The following BTBD6 variants were observed in gnomAD, a reference collection of about 807,000 sequenced individuals.
BTBD6 encodes BTB domain containing 6, also known as BTB/POZ domain-containing protein 6.
Under a neutral mutation model 40.6 loss-of-function variants are expected in BTBD6, and 30 were observed. The observed-to-expected ratio is 0.74, with a 90% confidence interval of 0.55 to 1.00. The LOEUF (loss-of-function observed/expected upper bound fraction) is 1.00. BTBD6 is among the 50% of genes least tolerant of loss of function. BTBD6 has a pLI of 0.00. For missense variants in BTBD6, 698 were observed against 694.6 expected (o/e 1.00, Z -0.06); for synonymous variants, 378 against 308.7 (o/e 1.22, Z -2.35).
At chr14:105,249,592 G>C in intron 3 of BTBD6, 48 bp from the exon 4 acceptor site, 2 of 1,587,136 alleles carry the variant, frequency 1.3e-6, no homozygotes, top group Non-Finnish European at 1.7e-6. Context: ...CCAGCCCCGC[G>C]ATGGGTGCTT....
In BTBD6 at chr14:105,250,414, G is replaced by A; in HGVS notation, c.1359G>A (p.Gln453=). The part of the protein sequence containing the change: ...ELKRLGVVLA[Q]NLTKFMSDGS... ...AGCGGCTCGGGGTGGTTCTGGCTCA[G>A]AACTTGACCAAGTTCATGTCAGACG... is the stretch of plus-strand genomic sequence containing the variant. Residue 453 remains glutamine (Q), a synonymous_variant, in exon 4 of 4, where the codon CAG becomes CAA. Coordinates refer to ENST00000392554, the MANE Select transcript of BTBD6 (RefSeq NM_001387567.1). 1.2e-6 allele frequency: 2 copies of A among 1,613,926 alleles called. No individual in the cohort carries two copies. Among genetic ancestry groups the A allele is most frequent in the Non-Finnish European group, 1.7e-6 (2 of 1,180,040 alleles).
chr14:105,249,639 G>A lies in BTBD6; in HGVS notation c.585-1G>A, dbSNP rs2140289324. 1 of 1,604,580 alleles carries A rather than the reference G, an allele frequency of 6.2e-7. No homozygotes were observed. The highest frequency in any genetic ancestry group is 8.5e-7 in the Non-Finnish European group (1 of 1,173,884). ...CCTGACGCGGGCCCTGCCTCGCCTA[G>A]GTACATGTACAGTGATGAGATCGAT... On this transcript the variant is annotated splice_acceptor_variant, in intron 3 of 3. Coordinates refer to ENST00000392554, the MANE Select transcript of BTBD6 (RefSeq NM_001387567.1). LOFTEE classifies it high-confidence loss of function.
rs1232215038 is a variant in BTBD6 at position 105,249,379 on chromosome 14, G to C, written c.485G>C (p.Ser162Thr). 6.2e-7 allele frequency: 1 copy of C among 1,611,830 alleles called. No homozygotes were observed. The highest frequency in any genetic ancestry group is 1.3e-5 in the African/African-American group (1 of 74,924). The change falls in exon 3 of 4, where the codon AGC (serine) becomes ACC (threonine). Residue 162 changes from serine (S) to threonine (T), a missense_variant. Transcript: ENST00000392554. ...PAHKYVLAVG[S>T]SVFYAMFYGD... ...TCCCAGTACGTCTTGGCTGTCGGCA[G>C]CTCCGTCTTCTATGCCATGTTCTAC...
In BTBD6 at chr14:105,248,820, G is replaced by C; in HGVS notation, c.109G>C (p.Gly37Arg). 1 of 986,630 alleles carries C rather than the reference G, an allele frequency of 1.0e-6. No homozygotes were observed. Among genetic ancestry groups the C allele is most frequent in the South Asian group, 4.7e-5 (1 of 21,450 alleles). 61.1% of individuals were successfully genotyped at this position (986,630 alleles called of 1,614,324 possible). A position where few individuals can be genotyped will look rare whatever the true frequency, so the allele number is the denominator to read the frequency against. ...GCCCCGGCGCGGCGCGAGGGCGCGGGGCGCGGCGTCCACAGGCGCCGAGGC... is the reference window on the plus strand; with the variant it reads ...GCCCCGGCGCGGCGCGAGGGCGCGGCGCGCGGCGTCCACAGGCGCCGAGGC... ...PRPRRGARAR[G>R]AASTGAEAAP... The change falls in exon 1 of 4, where the codon GGC (glycine) becomes CGC (arginine). Residue 37 changes from glycine to arginine, a missense_variant. Physicochemically the swap from Gly to Arg is moderately radical, Grantham distance 125. Coordinates refer to ENST00000392554, the MANE Select transcript of BTBD6 (RefSeq NM_001387567.1).
chr14:105,249,513 C>T, intron 3 of BTBD6, 35 bp downstream of exon 3: 1 of 1,609,242 alleles, frequency 6.2e-7, no homozygotes, highest in Non-Finnish European at 8.5e-7. Context: ...ACGGGTGGGT[C>T]CGTTTTAGGC....
At position 105,249,260 on chromosome 14, in the gene BTBD6, G is replaced by A; in HGVS notation, c.465+13G>A. 1.9e-6 allele frequency: 3 copies of A among 1,563,928 alleles called. No homozygotes were observed. The highest frequency in any genetic ancestry group is 1.1e-5 in the South Asian group (1 of 87,032). On this transcript the variant is annotated intron_variant, in intron 2 of 3. Coordinates refer to ENST00000392554, the MANE Select transcript of BTBD6 (RefSeq NM_001387567.1). Reference sequence around the variant, plus strand: ...GCCCGCCCACAAGGTGGGTAGCGGCGGCCCCTCTCGGAACGCGTGCCCCGT... The same window carrying A: ...GCCCGCCCACAAGGTGGGTAGCGGCAGCCCCTCTCGGAACGCGTGCCCCGT...
intron 1 of BTBD6, 29 bp downstream of exon 1, chr14:105,249,114 CCGCGCG>C (rs926656993): frequency 2.0e-6 from 3 of 1,504,152 alleles, no homozygotes; most frequent in South Asian, 1.2e-5. Flanking sequence ...GCCCCCGCGC[CCGCGCG>C]CGCCCACGCC....
In BTBD6 at chr14:105,250,894, AGATT is replaced by A; in HGVS notation, c.*223_*226del. On this transcript the variant is annotated 3_prime_UTR_variant, in exon 4 of 4. Transcript: ENST00000392554. The stretch of plus-strand genomic sequence containing the variant: ...TGGGGTGCACGTCTCAGGTGGAGGA[AGATT>A]TACGGCTCAAGACAGGCCCCAGATC... The A allele has an allele frequency of 1.7e-6, 1 of 578,704 alleles. No individual in the cohort carries two copies. Among genetic ancestry groups the A allele is most frequent in the South Asian group, 2.2e-5 (1 of 44,472 alleles). The allele number at this position is 578,704 out of a possible 1,614,324, so 35.8% of individuals were successfully genotyped here.
In BTBD6 at chr14:105,249,878, G is replaced by A. The variant is rs2055484290; in HGVS notation, c.823G>A (p.Glu275Lys). ...ACAGGCCGAGATGGCCCTACGGTCC[G>A]AAGGCTTCTGTGAGATAGACCGGCA... Reference protein sequence around the residue: ...DAQAEMALRSEGFCEIDRQTL... With the variant: ...DAQAEMALRSKGFCEIDRQTL... The change falls in exon 4 of 4, where the codon GAA (glutamate) becomes AAA (lysine). Residue 275 changes from glutamate (E) to lysine (K), a missense_variant. By Grantham distance (56) the Glu-to-Lys change is moderately conservative (BLOSUM62 1). Coordinates refer to ENST00000392554, the MANE Select transcript of BTBD6 (RefSeq NM_001387567.1). The A allele has an allele frequency of 3.7e-6, 6 of 1,611,808 alleles. No homozygotes were observed. The highest frequency in any genetic ancestry group is 2.2e-5 in the East Asian group (1 of 44,902).
chr14:105,248,918 A>T lies in BTBD6; in HGVS notation c.207A>T (p.Leu69=). ...CCGCCAGCGCCGCGGCCGCGGACCT[A>T]GCCAACAGCAACGCCGGCGCCGCCG... ...YAPASAAAAD[L]ANSNAGAAVG... Residue 69 remains leucine (L), a synonymous_variant, in exon 1 of 4, where the codon CTA becomes CTT. Coordinates refer to ENST00000392554, the MANE Select transcript of BTBD6 (RefSeq NM_001387567.1). 1 of 982,134 alleles carries T rather than the reference A, an allele frequency of 1.0e-6. No individual in the cohort carries two copies. The highest frequency in any genetic ancestry group is 1.2e-6 in the Non-Finnish European group (1 of 830,920). 60.8% of individuals were successfully genotyped at this position (982,134 alleles called of 1,614,324 possible). A position where few individuals can be genotyped will look rare whatever the true frequency, so the allele number is the denominator to read the frequency against.
rs912034649 is a variant in BTBD6 at position 105,248,771 on chromosome 14, T to G, written c.60T>G (p.Leu20=). The G allele has an allele frequency of 2.1e-5, 21 of 980,418 alleles. No homozygotes were observed. In the African/African-American group the frequency reaches 3.6e-4, roughly 17 times the overall value. The allele number at this position is 980,418 out of a possible 1,614,324, so 60.7% of individuals were successfully genotyped here. A position where few individuals can be genotyped will look rare whatever the true frequency, so the allele number is the denominator to read the frequency against. The change falls in exon 1 of 4, where the codon CTT becomes CTG. Residue 20 remains leucine, a synonymous_variant. Transcript: ENST00000392554. ...TCGCTCAGTGCCTGACCTCCTTGCT[T>G]TTGCTTGCAGAGCCGCTCCCGAGGC... The part of the protein sequence containing the change: ...GRVAQCLTSL[L]LLAEPLPRPR...
rs772727444 is a variant in BTBD6, at chr14:105,249,135, G to C, written c.375-22G>C. On this transcript the variant is annotated intron_variant, in intron 1 of 3. Transcript: ENST00000392554. ...GCGCCCGCGCGCGCCCACGCCCCCA[G>C]CCCGTGCCTCTACCTTTGCAGGAAC... 1.1e-5 allele frequency: 17 copies of C among 1,551,462 alleles called. No individual in the cohort carries two copies. The Admixed American group carries it at 3.0e-4, about 27-fold the overall frequency.
Position 105,251,057 on chromosome 14 carries a change from T to C in BTBD6, c.*385T>C, listed in dbSNP as rs999419230. ...AAAATTGGCAAAAAGTCACTTAAAA[T>C]AGTGGACTTCTGTAATAAAGGTTGC... On this transcript the variant is annotated 3_prime_UTR_variant, in exon 4 of 4. Coordinates refer to ENST00000392554, the MANE Select transcript of BTBD6 (RefSeq NM_001387567.1). 4.4e-6 allele frequency: 1 copy of C among 227,404 alleles called. No homozygotes were observed. The highest frequency in any genetic ancestry group is 2.3e-5 in the African/African-American group (1 of 43,788). The allele number at this position is 227,404 out of a possible 1,614,324, so 14.1% of individuals were successfully genotyped here.
rs1295703179 is a variant in BTBD6 at position 105,248,562 on chromosome 14, T to C, written c.-150T>C. The C allele has an allele frequency of 2.7e-5, 8 of 301,552 alleles. No homozygotes were observed. Among genetic ancestry groups the C allele is most frequent in the African/African-American group, 4.7e-5 (1 of 21,108 alleles). The allele number at this position is 301,552 out of a possible 1,614,324, so 18.7% of individuals were successfully genotyped here. A position where few individuals can be genotyped will look rare whatever the true frequency, so the allele number is the denominator to read the frequency against. Reference sequence around the variant, plus strand: ...CGTGACGCACCGGCGCCGCGGCGGGTACGGGCTCGGGCGGGCGGGCGGGCG... The same window carrying C: ...CGTGACGCACCGGCGCCGCGGCGGGCACGGGCTCGGGCGGGCGGGCGGGCG... On this transcript the variant is annotated 5_prime_UTR_variant, in exon 1 of 4. Coordinates refer to ENST00000392554, the MANE Select transcript of BTBD6 (RefSeq NM_001387567.1).
rs1486202183 is a variant in BTBD6 at position 105,250,760 on chromosome 14, C to T, written c.*88C>T. 7.4e-7 allele frequency: 1 copy of T among 1,353,908 alleles called. No homozygotes were observed. The highest frequency in any genetic ancestry group is 1.5e-5 in the African/African-American group (1 of 68,440). The allele number at this position is 1,353,908 out of a possible 1,614,324, so 83.9% of individuals were successfully genotyped here. On this transcript the variant is annotated 3_prime_UTR_variant, in exon 4 of 4. Transcript: ENST00000392554. ...CTTCTTGACACCATGAAAGGCTGCT[C>T]TTAACTTTGTCTCTCTTTGACATGT...
Position 105,250,081 on chromosome 14 carries a change from C to T in BTBD6, c.1026C>T (p.Thr342=), listed in dbSNP as rs768981856. The stretch of plus-strand genomic sequence containing the variant: ...ATCTGGTCCGAATTCCAACCATGAC[C>T]CTAGAGGAGTTTGCCAACGGCGCTG... ...ALYLVRIPTM[T]LEEFANGAAQ... is the part of the protein sequence containing the mutation. Residue 342 remains threonine (T), a synonymous_variant, in exon 4 of 4, where the codon ACC becomes ACT. Coordinates refer to ENST00000392554, the MANE Select transcript of BTBD6 (RefSeq NM_001387567.1). 16 of 1,612,876 alleles carry T rather than the reference C, an allele frequency of 9.9e-6. No individual in the cohort carries two copies. Among genetic ancestry groups the T allele is most frequent in the South Asian group, 4.4e-5 (4 of 91,094 alleles).
At position 105,250,693 on chromosome 14, in the gene BTBD6, C is replaced by T. The variant is rs774265589; in HGVS notation, c.*21C>T. ...CCTGAGGTGCCCGGGGAGGCTGCAG[C>T]AGGTCAGCGAGTGAGTGGAGGGGAA... On this transcript the variant is annotated 3_prime_UTR_variant, in exon 4 of 4. Coordinates refer to ENST00000392554, the MANE Select transcript of BTBD6 (RefSeq NM_001387567.1). 6.3e-7 allele frequency: 1 copy of T among 1,592,330 alleles called. No individual in the cohort carries two copies. The highest frequency in any genetic ancestry group is 1.1e-5 in the South Asian group (1 of 89,074).
In BTBD6 at chr14:105,250,960, G is replaced by A. The variant is rs1595389466; in HGVS notation, c.*288G>A. ...GCACCCATGCCACCTGCTTTGAGGG[G>A]TTGGATCTTCCTGCTACCCTCTTGG... On this transcript the variant is annotated 3_prime_UTR_variant, in exon 4 of 4. Transcript: ENST00000392554. The A allele has an allele frequency of 2.5e-6, 1 of 404,572 alleles. No homozygotes were observed. Among genetic ancestry groups the A allele is most frequent in the East Asian group, 4.2e-5 (1 of 23,746 alleles). 25.1% of individuals were successfully genotyped at this position (404,572 alleles called of 1,614,324 possible).
Position 105,249,792 on chromosome 14 carries a change from C to T in BTBD6, c.737C>T (p.Ser246Phe). ...LEAKNACVLLSQSRLFEEPEL... is the reference protein window; with the variant it reads ...LEAKNACVLLFQSRLFEEPEL... ...GCCAAGAACGCCTGCGTCCTGCTGT[C>T]CCAGAGCCGGCTGTTTGAGGAGCCC... Residue 246 changes from serine to phenylalanine, a missense_variant, in exon 4 of 4, where the codon TCC (serine) becomes TTC (phenylalanine). Transcript: ENST00000392554. 2 of 1,613,848 alleles carry T rather than the reference C, an allele frequency of 1.2e-6. No individual in the cohort carries two copies. The highest frequency in any genetic ancestry group is 1.7e-6 in the Non-Finnish European group (2 of 1,180,046).
Sources: gnomAD v4.1 joint callset for allele counts on GRCh38, gnomAD v4.1.1 for gene constraint, MANE v1.5 for transcripts, NCBI Gene and HGNC (gene_info 2026-07-23, HGNC 2026-07-21) for gene names.